The following MLPH variants were observed in gnomAD, a reference collection of about 807,000 sequenced individuals.
MLPH encodes exophilin-3.
In MLPH, 51 loss-of-function variants were observed where a neutral mutation model predicts 72.1. That is an observed-to-expected ratio of 0.71 (90% CI 0.56 to 0.89). The LOEUF (loss-of-function observed/expected upper bound fraction) is 0.89, where lower values mean the gene tolerates loss of function less well. Ranked by LOEUF, MLPH falls within the 40% of genes least tolerant of loss-of-function variation. The probability of loss-of-function intolerance (pLI) is 0.00; values close to 1 mark genes in which losing one functional copy is unlikely to be tolerated. For missense variants in MLPH, 743 were observed against 759.9 expected, an observed-to-expected ratio of 0.98 and a Z score of 0.26; for synonymous variants, 301 against 310.1, an observed-to-expected ratio of 0.97 and a Z score of 0.31.
chr2:237,540,511 C>T lies in MLPH; in HGVS notation c.1268C>T (p.Pro423Leu). 1 of 1,612,110 alleles carries T rather than the reference C, an allele frequency of 6.2e-7. No homozygotes were observed. Among genetic ancestry groups the T allele is most frequent in the Non-Finnish European group, 8.5e-7 (1 of 1,179,890 alleles). Residue 423 changes from proline to leucine, a missense_variant, in exon 10 of 16, where the codon CCT (proline) becomes CTT (leucine). Coordinates refer to ENST00000264605, the MANE Select transcript of MLPH (RefSeq NM_024101.7). ...CCCAACAGGGACAAATCAGTTGGGC[C>T]TCTCCCCCAGGCGGACCCGGAGGTA... ...AEPNRDKSVG[P>L]LPQADPEVGT...
chr2:237,527,584 A>G, intron 8 of MLPH, 68 bp downstream of exon 8: 2 of 1,596,074 alleles, frequency 1.3e-6, no homozygotes, highest in Non-Finnish European at 1.7e-6. Context: ...CTCCACACCA[A>G]GTCACTTTAG....
At chr2:237,504,845 A>G (rs1442965694) in intron 2 of MLPH, among the ~76,000 whole-genome samples, 1 of 152,166 alleles carries the variant, frequency 6.6e-6, no homozygotes, top group Non-Finnish European at 1.5e-5. Flanking sequence ...GTGGCATGGC[A>G]AAAACTCATG....
intron 8 of MLPH, among the ~76,000 whole-genome samples, chr2:237,531,542 C>T (rs768439481): frequency 6.6e-6 from 1 of 152,170 alleles, no homozygotes; most frequent in Non-Finnish European, 1.5e-5. Context: ...AAATACATAG[C>T]GTGGTTTCCA....
At chr2:237,552,229 A>G (rs1481416329) in intron 14 of MLPH, 108 bp from the exon 15 acceptor site, 2 of 795,418 alleles carry the variant, frequency 2.5e-6, no homozygotes, top group African/African-American at 1.7e-5. Context: ...TTAAAAGGGG[A>G]TATGTCCATT....
chr2:237,539,173 C>A (rs1480393362), intron 9 of MLPH, among the ~76,000 whole-genome samples: 1 of 152,182 alleles, frequency 6.6e-6, no homozygotes, highest in African/African-American at 2.4e-5. Flanking sequence ...CAGAAGACAG[C>A]TGGCTGAGGG....
rs371949950 is a variant in MLPH, at chr2:237,548,740, G to A, written c.1618-481G>A. Among the ~76,000 whole-genome samples the A allele has an allele frequency of 3.0e-4, 46 of 152,352 alleles. 2 individuals carry two copies. Among genetic ancestry groups the A allele is most frequent in the African/African-American group, 9.6e-4 (40 of 41,574 alleles). On this transcript the variant is annotated intron_variant, in intron 13 of 15. Transcript: ENST00000264605. ...AAAAACAAAATTAAATTAGCCGGGC[G>A]TGGTGGCGGGCGCCTGTAGGCCCAG...
chr2:237,552,693 G>A (rs1171186483), intron 15 of MLPH, among the ~76,000 whole-genome samples: 2 of 152,202 alleles, frequency 1.3e-5, no homozygotes, highest in Non-Finnish European at 1.5e-5. Context: ...CACCCCATTG[G>A]AGGAGGACCT....
chr2:237,492,462 T>TAAA (rs397961915), intron 1 of MLPH, among the ~76,000 whole-genome samples: 1 of 132,244 alleles, frequency 7.6e-6, no homozygotes. Context: ...AACTCGTCTC[T>TAAA]AAAAAAAAAA....
chr2:237,537,450 G>T (rs1171694887), intron 9 of MLPH: 1 of 152,298 alleles, frequency 6.6e-6, no homozygotes, highest in Non-Finnish European at 1.5e-5. Flanking sequence ...TCAGCCCCAT[G>T]CACTCTGGGA....
chr2:237,549,364 C>A, intron 14 of MLPH, 86 bp downstream of exon 14: 1 of 1,225,856 alleles, frequency 8.2e-7, no homozygotes. Context: ...CTGTGTGTTT[C>A]TTCATTATCT....
chr2:237,537,953 A>T (rs1373687609), intron 9 of MLPH, among the ~76,000 whole-genome samples: 1 of 152,188 alleles, frequency 6.6e-6, no homozygotes, highest in East Asian at 1.9e-4. Flanking sequence ...GGGCCAGGGG[A>T]GAGCCCTCGG....
At chr2:237,530,473 G>T (rs1415691456) in intron 8 of MLPH, among the ~76,000 whole-genome samples, 1 of 152,200 alleles carries the variant, frequency 6.6e-6, no homozygotes, top group Non-Finnish European at 1.5e-5. Context: ...AGTGTCCACG[G>T]GGCAGAAGCA....
Position 237,503,462 on chromosome 2 carries a change from G to A in MLPH, c.111-7112G>A, listed in dbSNP as rs6727378. Reference sequence around the variant, plus strand: ...GCTCCCTCGTGGTAATTCCCGACACGCGTTCCCAGGATGAGGAGCCTGGGT... The same window carrying A: ...GCTCCCTCGTGGTAATTCCCGACACACGTTCCCAGGATGAGGAGCCTGGGT... On this transcript the variant is annotated intron_variant, in intron 2 of 15. Transcript: ENST00000264605. Among the ~76,000 whole-genome samples, 1,461 of 152,198 alleles carry A rather than the reference G, an allele frequency of 9.6e-3. 15 individuals carry two copies. The highest frequency in any genetic ancestry group is 0.016 in the Non-Finnish European group (1,101 of 68,010).
chr2:237,498,144 G>A (rs1439964253), intron 2 of MLPH, among the ~76,000 whole-genome samples: 2 of 152,176 alleles, frequency 1.3e-5, no homozygotes, highest in Non-Finnish European at 2.9e-5. Context: ...ATATGCATCA[G>A]GGGAACACAG....
intron 15 of MLPH, 83 bp downstream of exon 15, chr2:237,552,520 C>G: frequency 8.6e-7 from 1 of 1,163,966 alleles, no homozygotes; most frequent in African/African-American, 1.5e-5. Flanking sequence ...GTCTTCAGAG[C>G]AAAGAAAATG....
intron 11 of MLPH, among the ~76,000 whole-genome samples, chr2:237,542,303 G>C (rs2080707435): frequency 6.6e-6 from 1 of 152,092 alleles, no homozygotes; most frequent in African/African-American, 2.4e-5. Context: ...GACTCCCTGA[G>C]ACTCAAGAAA....
chr2:237,550,629 A>ACCCCC (rs1372432050), intron 14 of MLPH, among the ~76,000 whole-genome samples: 98 of 151,720 alleles, frequency 6.5e-4, no homozygotes, highest in African/African-American at 2.3e-3. Flanking sequence ...AGCTCACTGC[A>ACCCCC]CCCCCCGCTT....
chr2:237,517,415 A>C (rs1283209327), intron 4 of MLPH, among the ~76,000 whole-genome samples: 2 of 149,766 alleles, frequency 1.3e-5, no homozygotes, highest in Non-Finnish European at 3.0e-5. Flanking sequence ...CAATGGATGG[A>C]TGGGTGGGTG....
rs2081084978 is a variant in MLPH, at chr2:237,553,842, C to G, written c.*250C>G. Reference sequence around the variant, plus strand: ...CTCTGATCTGTGAGAAACAGCTAAGCTGCTGTGACTTCCCTTTAGGACAAT... The same window carrying G: ...CTCTGATCTGTGAGAAACAGCTAAGGTGCTGTGACTTCCCTTTAGGACAAT... On this transcript the variant is annotated 3_prime_UTR_variant, in exon 16 of 16. Coordinates refer to ENST00000264605, the MANE Select transcript of MLPH (RefSeq NM_024101.7). 1 of 677,828 alleles carries G rather than the reference C, an allele frequency of 1.5e-6. No homozygotes were observed. Among genetic ancestry groups the G allele is most frequent in the Non-Finnish European group, 2.7e-6 (1 of 365,982 alleles). 42.0% of individuals were successfully genotyped at this position (677,828 alleles called of 1,614,324 possible).
Sources: allele counts gnomAD v4.1 joint callset (sites outside exome capture counted in the v4.1 genomes callset), GRCh38; gene constraint gnomAD v4.1.1; transcripts MANE v1.5; gene names NCBI Gene and HGNC (gene_info 2026-07-23, HGNC 2026-07-21).